The following LGI1 variants were observed in gnomAD, a reference collection of about 807,000 sequenced individuals.
LGI1 encodes leucine-rich glioma-inactivated protein 1.
LGI1 carries 11 observed loss-of-function variants against 57.7 expected under a neutral mutation model. The observed-to-expected ratio is 0.19, with a 90% CI of 0.12 to 0.32. The LOEUF is 0.32. LGI1 is among the 10% of genes least tolerant of loss of function. LGI1 has a pLI of 1.00. For missense variants in LGI1, 422 were observed against 661.9 expected, an observed-to-expected ratio of 0.64 and a Z score of 3.98; for synonymous variants, 222 against 241.9, an observed-to-expected ratio of 0.92 and a Z score of 0.76.
intron 4 of LGI1, among the ~76,000 whole-genome samples, chr10:93,777,947 CT>C (rs373431841): frequency 2.0e-5 from 3 of 152,170 alleles, no homozygotes; most frequent in African/African-American, 4.8e-5. Context: ...TTGATATCAG[CT>C]TTTTTTCCCT....
intron 7 of LGI1, chr10:93,794,247 G>A (rs1261549606): frequency 6.6e-6 from 1 of 151,432 alleles, no homozygotes; most frequent in African/African-American, 2.4e-5. Context: ...TTGAACTCCT[G>A]ACCTCATGAT....
chr10:93,762,806 TC>T (rs1419217053), intron 2 of LGI1: 1 of 152,180 alleles, frequency 6.6e-6, no homozygotes, highest in Non-Finnish European at 1.5e-5. Flanking sequence ...GATTCGAGGG[TC>T]CATGTACAGG....
At chr10:93,760,497 A>G (rs1391528900) in intron 2 of LGI1, among the ~76,000 whole-genome samples, 1 of 152,258 alleles carries the variant, frequency 6.6e-6, no homozygotes, top group East Asian at 1.9e-4. Context: ...AGGAAGTTAC[A>G]TAGATCTAGT....
At position 93,786,615 on chromosome 10, in the gene LGI1, G is replaced by A. The variant is rs1434447870; in HGVS notation, c.432-3484G>A. ...TGTTGTTGTTGTTGTTGTTGTTTTTGAAACAAGGTCTCACTCTGTCACCCA... is the reference window on the plus strand; with the variant it reads ...TGTTGTTGTTGTTGTTGTTGTTTTTAAAACAAGGTCTCACTCTGTCACCCA... On this transcript the variant is annotated intron_variant, in intron 4 of 7. Coordinates refer to ENST00000371418, the MANE Select transcript of LGI1 (RefSeq NM_005097.4). 4.4e-5 allele frequency among the ~76,000 whole-genome samples: 2 copies of A among 45,316 alleles called. 1 individual carries two copies. Among genetic ancestry groups the A allele is most frequent in the African/African-American group, 6.1e-5 (2 of 32,620 alleles). The allele number at this position is 45,316 out of a possible 152,430, so 29.7% of individuals were successfully genotyped here. A position where few individuals can be genotyped will look rare whatever the true frequency, so the allele number is the denominator to read the frequency against.
chr10:93,777,388 A>C lies in LGI1; in HGVS notation c.297A>C (p.Thr99=), dbSNP rs777027658. The change falls in exon 3 of 8, where the codon ACA becomes ACC. Residue 99 remains threonine, a synonymous_variant. Transcript: ENST00000371418. ...FTPSLQLLLF[T]SNSFDVISDD... is the part of the protein sequence containing the mutation. ...TACTTTTTCTGGGCAGGTTATTCACATCGAACTCCTTTGATGTGATCAGTG... is the reference window on the plus strand; with the variant it reads ...TACTTTTTCTGGGCAGGTTATTCACCTCGAACTCCTTTGATGTGATCAGTG... The C allele has an allele frequency of 1.2e-6, 2 of 1,613,884 alleles. No individual in the cohort carries two copies. Among genetic ancestry groups the C allele is most frequent in the Non-Finnish European group, 1.7e-6 (2 of 1,179,886 alleles).
intron 2 of LGI1, chr10:93,765,092 C>A (rs1474124673): frequency 6.6e-6 from 1 of 152,112 alleles, no homozygotes. Flanking sequence ...TATTGGCAGT[C>A]TTCAGATGAG....
At chr10:93,774,009 G>A (rs919506018) in intron 2 of LGI1, among the ~76,000 whole-genome samples, 14 of 152,228 alleles carry the variant, frequency 9.2e-5, no homozygotes, top group African/African-American at 2.9e-4. Context: ...GCTGTTGTGA[G>A]GATAGTTGTC....
chr10:93,773,802 C>T (rs980724547), intron 2 of LGI1, among the ~76,000 whole-genome samples: 1 of 152,116 alleles, frequency 6.6e-6, no homozygotes, highest in African/African-American at 2.4e-5. Flanking sequence ...TAGGAAAATG[C>T]TTCCCTAAAA....
chr10:93,772,308 A>C (rs930704854), intron 2 of LGI1, among the ~76,000 whole-genome samples: 1 of 152,198 alleles, frequency 6.6e-6, no homozygotes, highest in Non-Finnish European at 1.5e-5. Context: ...ACAAGTCAGC[A>C]GTAAAGAACT....
rs797044999 is a variant in LGI1 at position 93,797,547 on chromosome 10, C to T, written c.1418C>T (p.Ser473Leu). 1 of 1,614,040 alleles carries T rather than the reference C, an allele frequency of 6.2e-7. No individual in the cohort carries two copies. The highest frequency in any genetic ancestry group is 8.5e-7 in the Non-Finnish European group (1 of 1,179,992). ...TTCCAGGATATTCAGAGGATGCCAT[C>T]GCGAGGATCCATGGTGTTCCAGCCT... ...SSFQDIQRMPSRGSMVFQPLQ... is the reference protein window; with the variant it reads ...SSFQDIQRMPLRGSMVFQPLQ... The change falls in exon 8 of 8, where the codon TCG becomes TTG. Residue 473 changes from serine to leucine, a missense_variant. Around this residue, in one of 3 missense-constraint regions of LGI1, gnomAD observed 301 missense variants for 461.7 expected, o/e 0.65. Coordinates refer to ENST00000371418, the MANE Select transcript of LGI1 (RefSeq NM_005097.4). This position sits in a 1 kb window ranked among gnomAD's most constrained non-coding sequence, Gnocchi z 6.5.
intron 3 of LGI1, 26 bp downstream of exon 3, chr10:93,777,476 A>G (rs1564845002): frequency 2.5e-6 from 4 of 1,610,950 alleles, no homozygotes; most frequent in Non-Finnish European, 3.4e-6. Context: ...TTTTTAAAAC[A>G]TGATGATTCA....
chr10:93,789,995 TA>T (rs2059922282), intron 4 of LGI1, 103 bp from the exon 5 acceptor site: 1 of 1,120,634 alleles, frequency 8.9e-7, no homozygotes, highest in Non-Finnish European at 1.3e-6. Flanking sequence ...AGTCTTTTAG[TA>T]GGCTGGAAAT....
intron 5 of LGI1, 125 bp from the exon 6 acceptor site, chr10:93,792,618 C>G: frequency 1.1e-6 from 1 of 936,766 alleles, no homozygotes; most frequent in East Asian, 2.4e-5. Context: ...AGGTTCCAGG[C>G]AGGTTATAGG....
chr10:93,781,203 C>CA (rs1190886796), intron 4 of LGI1, among the ~76,000 whole-genome samples: 2 of 151,418 alleles, frequency 1.3e-5, no homozygotes, highest in Non-Finnish European at 2.9e-5. Context: ...CTAAAAAATA[C>CA]AAAAAATTAG....
rs886047488 is a variant in LGI1 at position 93,797,862 on chromosome 10, T to A, written c.*59T>A. 8.8e-7 allele frequency: 1 copy of A among 1,130,902 alleles called. No homozygotes were observed. The allele number at this position is 1,130,902 out of a possible 1,614,324, so 70.1% of individuals were successfully genotyped here. A position where few individuals can be genotyped will look rare whatever the true frequency, so the allele number is the denominator to read the frequency against. On this transcript the variant is annotated 3_prime_UTR_variant, in exon 8 of 8. Transcript: ENST00000371418. This position sits in a 1 kb window ranked among gnomAD's most constrained non-coding sequence, Gnocchi z 6.5. ...TCTACAGTACATGACCCGGATGAAC[T>A]CAATGCATGATGACTCTTCTTATCA...
At chr10:93,795,502 G>C (rs2059972967) in intron 7 of LGI1, among the ~76,000 whole-genome samples, 1 of 152,122 alleles carries the variant, frequency 6.6e-6, no homozygotes. Flanking sequence ...TCACCTCCTA[G>C]ACACCCCACT....
At chr10:93,762,002 G>T (rs901836939) in intron 2 of LGI1, among the ~76,000 whole-genome samples, 1 of 152,146 alleles carries the variant, frequency 6.6e-6, no homozygotes, top group Non-Finnish European at 1.5e-5. Context: ...CCAATGATAT[G>T]GGCTCATGAT....
chr10:93,760,886 G>A (rs1443559098), intron 2 of LGI1, among the ~76,000 whole-genome samples: 1 of 152,162 alleles, frequency 6.6e-6, no homozygotes, highest in Non-Finnish European at 1.5e-5. Flanking sequence ...CTCTCCCAGT[G>A]TGTTCTCGGT....
chr10:93,786,903 C>A (rs2059896855), intron 4 of LGI1, among the ~76,000 whole-genome samples: 1 of 152,194 alleles, frequency 6.6e-6, no homozygotes, highest in Non-Finnish European at 1.5e-5. Flanking sequence ...CAACCTGTTA[C>A]ATTTTTTGCA....
Sources: allele counts gnomAD v4.1 joint callset (sites outside exome capture counted in the v4.1 genomes callset), GRCh38; gene constraint gnomAD v4.1.1; regional missense constraint gnomAD v4.1.1; non-coding constraint Gnocchi (gnomAD v3.1); transcripts MANE v1.5; gene names NCBI Gene and HGNC (gene_info 2026-07-23, HGNC 2026-07-21).